The following IL4R variants were observed in gnomAD, a reference collection of about 807,000 sequenced individuals.
IL4R encodes the protein interleukin 4 receptor, also known as interleukin-4 receptor subunit alpha.
Under a neutral mutation model 41.5 loss-of-function variants are expected in IL4R, and 17 were observed. The ratio of observed to expected loss-of-function variants is 0.41; its 90% CI spans 0.28 to 0.61. The LOEUF (loss-of-function observed/expected upper bound fraction) is 0.61, where lower values mean the gene tolerates loss of function less well. Among genes scored for constraint, IL4R ranks in the 20% least tolerant of loss-of-function variants. The pLI, the probability that IL4R is intolerant of heterozygous loss-of-function variation, is 0.31. For missense variants in IL4R, 974 were observed against 1,043.1 expected, an observed-to-expected ratio of 0.93 and a Z score of 0.91; for synonymous variants, 402 against 422.9, an observed-to-expected ratio of 0.95 and a Z score of 0.61.
chr16:27,328,500 A>G (rs940116156), intron 1 of IL4R, among the ~76,000 whole-genome samples: 10 of 152,076 alleles, frequency 6.6e-5, no homozygotes, highest in Non-Finnish European at 1.5e-4. Flanking sequence ...CGGCCTCCCA[A>G]AGTGCTGGGA....
Position 27,363,559 on chromosome 16 carries a change from C to G in IL4R, c.2207C>G (p.Thr736Ser), listed in dbSNP as rs201705315. Residue 736 changes from threonine to serine, a missense_variant, in exon 11 of 11, where the codon ACC becomes AGC. Physicochemically the swap from Thr to Ser is moderately conservative, Grantham distance 58. Coordinates refer to ENST00000395762, the MANE Select transcript of IL4R (RefSeq NM_000418.4). ...QCHGQEDGGQ[T>S]PVMASPCCGC... Reference sequence around the variant, plus strand: ...CATGGCCAGGAGGATGGTGGCCAGACCCCTGTCATGGCCAGTCCTTGCTGT... The same window carrying G: ...CATGGCCAGGAGGATGGTGGCCAGAGCCCTGTCATGGCCAGTCCTTGCTGT... 7 of 1,614,160 alleles carry G rather than the reference C, an allele frequency of 4.3e-6. No homozygotes were observed. In the East Asian group the frequency reaches 1.3e-4, roughly 31 times the overall value.
At chr16:27,327,465 G>A (rs1194118080) in intron 1 of IL4R, among the ~76,000 whole-genome samples, 2 of 152,148 alleles carry the variant, frequency 1.3e-5, no homozygotes, top group Non-Finnish European at 2.9e-5. Context: ...CTGGTGGCGG[G>A]CGTGTTTTCC....
In IL4R at chr16:27,352,636, T is replaced by G; in HGVS notation, c.610T>G (p.Trp204Gly). ...TTCCTACAGGGCACGGGTGAGGGCC[T>G]GGGCTCAGTGCTATAACACCACCTG... is the stretch of plus-strand genomic sequence containing the variant. ...GISYRARVRA[W>G]AQCYNTTWSE... The change falls in exon 7 of 11, where the codon TGG (tryptophan) becomes GGG (glycine). Residue 204 changes from tryptophan to glycine, a missense_variant. Transcript: ENST00000395762. 1 of 1,614,188 alleles carries G rather than the reference T, an allele frequency of 6.2e-7. No homozygotes were observed. Among genetic ancestry groups the G allele is most frequent in the Non-Finnish European group, 8.5e-7 (1 of 1,180,020 alleles).
chr16:27,316,616 C>T (rs1312889879), intron 1 of IL4R, among the ~76,000 whole-genome samples: 1 of 152,178 alleles, frequency 6.6e-6, no homozygotes, highest in African/African-American at 2.4e-5. Flanking sequence ...TTATAAGCTA[C>T]TTCACACAAT....
chr16:27,359,784 T>C (rs1473980320), intron 9 of IL4R: 1 of 456,952 alleles, frequency 2.2e-6, no homozygotes, highest in Non-Finnish European at 4.4e-6. Flanking sequence ...TTCCAGCCTC[T>C]TGCAAATACC....
rs1264663952 is a variant in IL4R, at chr16:27,355,892, A to T, written c.755A>T (p.Tyr252Phe). The T allele has an allele frequency of 2.5e-6, 4 of 1,612,664 alleles. No homozygotes were observed. The highest frequency in any genetic ancestry group is 3.4e-6 in the Non-Finnish European group (4 of 1,179,414). ...ATCCTGGCCGTCTGCCTGTTGTGCT[A>T]TGTCAGCATCACCAAGTGAGTCCTG... ...IVILAVCLLC[Y>F]VSITKIKKEW... Residue 252 changes from tyrosine to phenylalanine, a missense_variant, in exon 8 of 11, where the codon TAT becomes TTT. Around this residue, in one of 3 missense-constraint regions of IL4R, gnomAD observed 8 missense variants for 25.4 expected, o/e 0.32. Coordinates refer to ENST00000395762, the MANE Select transcript of IL4R (RefSeq NM_000418.4).
At chr16:27,329,277 A>G (rs540705197) in intron 1 of IL4R, among the ~76,000 whole-genome samples, 1 of 152,248 alleles carries the variant, frequency 6.6e-6, no homozygotes, top group South Asian at 2.1e-4. Context: ...CAGAGCCATA[A>G]GCCAATTAAA....
At position 27,363,211 on chromosome 16, in the gene IL4R, G is replaced by A. The variant is rs753635388; in HGVS notation, c.1859G>A (p.Cys620Tyr). 10 of 1,609,146 alleles carry A rather than the reference G, an allele frequency of 6.2e-6. No individual in the cohort carries two copies. The Admixed American group carries it at 1.7e-4, about 27-fold the overall frequency. ...LASSAVSPEK[C>Y]GFGASSGEEG... ...AGCAGTGCTGTGTCCCCAGAGAAATGTGGGTTTGGGGCTAGCAGTGGGGAA... is the reference window on the plus strand; with the variant it reads ...AGCAGTGCTGTGTCCCCAGAGAAATATGGGTTTGGGGCTAGCAGTGGGGAA... Residue 620 changes from cysteine (C) to tyrosine (Y), a missense_variant, in exon 11 of 11, where the codon TGT becomes TAT. Cys to Tyr is a radical substitution (Grantham distance 194). Transcript: ENST00000395762.
chr16:27,348,928 G>A (rs1184900272), intron 6 of IL4R, among the ~76,000 whole-genome samples: 1 of 152,200 alleles, frequency 6.6e-6, no homozygotes, highest in Non-Finnish European at 1.5e-5. Flanking sequence ...TCATGGGATT[G>A]GATTGGTCAG....
intron 6 of IL4R, among the ~76,000 whole-genome samples, chr16:27,348,602 G>T (rs376447175): frequency 5.3e-5 from 8 of 152,276 alleles, no homozygotes; most frequent in African/African-American, 1.9e-4. Context: ...AAGCCACAGT[G>T]GGAAAAGGGT....
At chr16:27,338,330 A>C (rs1486752187) in intron 2 of IL4R, among the ~76,000 whole-genome samples, 1 of 149,978 alleles carries the variant, frequency 6.7e-6, no homozygotes, top group African/African-American at 2.5e-5. Flanking sequence ...CGATCTTCCC[A>C]CCTCAACCTC....
chr16:27,344,784 G>T, intron 4 of IL4R, 85 bp from the exon 5 acceptor site: 1 of 1,336,058 alleles, frequency 7.5e-7, no homozygotes, highest in South Asian at 1.3e-5. Flanking sequence ...AGTCTGATGC[G>T]GTTCCTGGAG....
intron 1 of IL4R, among the ~76,000 whole-genome samples, chr16:27,318,382 G>A (rs2084708749): frequency 1.3e-5 from 2 of 152,154 alleles, no homozygotes. Context: ...GTGCTAGGAA[G>A]GAAAGCAAAG....
intron 1 of IL4R, among the ~76,000 whole-genome samples, chr16:27,315,106 C>A (rs1429227360): frequency 1.3e-5 from 2 of 152,176 alleles, no homozygotes; most frequent in Non-Finnish European, 2.9e-5. Context: ...TCTCCCCTTC[C>A]CCAGCCCTCT....
Position 27,346,706 on chromosome 16 carries a change from C to T in IL4R, c.513+88C>T, listed in dbSNP as rs560680081. Reference sequence around the variant, plus strand: ...AGGCCCAGTCCCTGGAGCCAGGAGCCTGGGAGGCAAGCCCTGGGGCTGGAT... The same window carrying T: ...AGGCCCAGTCCCTGGAGCCAGGAGCTTGGGAGGCAAGCCCTGGGGCTGGAT... On this transcript the variant is annotated intron_variant, in intron 6 of 10. Transcript: ENST00000395762. The T allele has an allele frequency of 7.9e-4, 1,144 of 1,446,330 alleles. 1 individual carries two copies. The highest frequency in any genetic ancestry group is 1.0e-3 in the Non-Finnish European group (1,069 of 1,043,658). The allele number at this position is 1,446,330 out of a possible 1,614,324, so 89.6% of individuals were successfully genotyped here.
At chr16:27,341,090 G>A (rs1423496052) in intron 3 of IL4R, 2 of 684,544 alleles carry the variant, frequency 2.9e-6, no homozygotes, top group South Asian at 1.5e-5. Context: ...GATGCCGTGT[G>A]GAGAAAGGAA....
chr16:27,356,096 T>C (rs1321308127), intron 8 of IL4R, among the ~76,000 whole-genome samples, 189 bp downstream of exon 8: 4 of 142,652 alleles, frequency 2.8e-5, no homozygotes, highest in Non-Finnish European at 4.5e-5. Flanking sequence ...TTTTTTTTTT[T>C]TTTTTTTTTT....
chr16:27,313,792 G>GGGGACCACCCCGACTCCGA, upstream of IL4R: 1 of 483,530 alleles, frequency 2.1e-6, no homozygotes, highest in Non-Finnish European at 2.7e-6. Flanking sequence ...CGGCGGCGGC[G>GGGGACCACCCCGACTCCGA]GCGGGGACAG....
At chr16:27,332,006 C>A (rs992399245) in intron 2 of IL4R, among the ~76,000 whole-genome samples, 1 of 151,866 alleles carries the variant, frequency 6.6e-6, no homozygotes, top group African/African-American at 2.4e-5. Flanking sequence ...GAGACAGGAT[C>A]TTTCTCTGTT....
Sources: gnomAD v4.1 joint callset for allele counts (sites outside exome capture counted in the v4.1 genomes callset) on GRCh38, gnomAD v4.1.1 for gene constraint, gnomAD v4.1.1 regional missense constraint, MANE v1.5 for transcripts, NCBI Gene and HGNC (gene_info 2026-07-23, HGNC 2026-07-21) for gene names.